LPP: variants seen among roughly 807,000 people sequenced by gnomAD.
LPP encodes the protein lipoma-preferred partner.
In LPP, 38 loss-of-function variants were observed where a neutral mutation model predicts 60.4. That is an observed-to-expected ratio of 0.63 (90% CI 0.49 to 0.83). LPP has a LOEUF of 0.83. LPP is among the 40% of genes least tolerant of loss of function. The pLI is 0.00. For missense variants in LPP, 902 were observed against 783.6 expected (o/e 1.15, Z -1.80); for synonymous variants, 328 against 290.8 (o/e 1.13, Z -1.30).
At chr3:188,262,284 G>C (rs1281124145) in intron 2 of LPP, among the ~76,000 whole-genome samples, 1 of 151,852 alleles carries the variant, frequency 6.6e-6, no homozygotes, top group Non-Finnish European at 1.5e-5. Context: ...ACGATTATGG[G>C]TAGTCTTAAA....
At chr3:188,218,446 A>C (rs1353993026) in intron 1 of LPP, among the ~76,000 whole-genome samples, 1 of 152,214 alleles carries the variant, frequency 6.6e-6, no homozygotes, top group Admixed American at 6.5e-5. Flanking sequence ...ATCTTATACT[A>C]TAATCAGCCT....
chr3:188,184,196 A>T (rs1725908386), intron 1 of LPP, among the ~76,000 whole-genome samples: 1 of 152,138 alleles, frequency 6.6e-6, no homozygotes, highest in Admixed American at 6.5e-5. Flanking sequence ...AAATCTGTGG[A>T]TAGGGCATTG....
At position 188,157,758 on chromosome 3, in the gene LPP, C is replaced by T. The variant is rs369557873; in HGVS notation, c.-190+3506C>T. 6.6e-5 allele frequency among the ~76,000 whole-genome samples: 10 copies of T among 151,876 alleles called. No individual in the cohort carries two copies. In the East Asian group the frequency reaches 1.4e-3, roughly 21 times the overall value. The stretch of plus-strand genomic sequence containing the variant: ...TTTTACAGGGTAAGTTTTGGCTGCT[C>T]TTCACTGAGAAGGCTCACCCTCAGG... On this transcript the variant is annotated intron_variant, in intron 1 of 11. Coordinates refer to ENST00000617246, the MANE Select transcript of LPP (RefSeq NM_001375462.1).
Position 188,156,573 on chromosome 3 carries a change from C to T in LPP, c.-190+2321C>T, listed in dbSNP as rs374805143. On this transcript the variant is annotated intron_variant, in intron 1 of 11. Coordinates refer to ENST00000617246, the MANE Select transcript of LPP (RefSeq NM_001375462.1). ...TATTGGCTTGGCACGATGGCTCAAGCCTGTAATGCCAGCACTTTGGGAGGC... is the reference window on the plus strand; with the variant it reads ...TATTGGCTTGGCACGATGGCTCAAGTCTGTAATGCCAGCACTTTGGGAGGC... Among the ~76,000 whole-genome samples, 347 of 152,226 alleles carry T rather than the reference C, an allele frequency of 2.3e-3. 1 individual carries two copies. The highest frequency in any genetic ancestry group is 5.6e-3 in the Admixed American group (86 of 15,286).
chr3:188,600,974 A>G (rs991224192), intron 6 of LPP, among the ~76,000 whole-genome samples: 9 of 152,050 alleles, frequency 5.9e-5, no homozygotes, highest in African/African-American at 1.9e-4. Flanking sequence ...GTGTGTATAT[A>G]TATATATCAC....
At chr3:188,549,832 C>G (rs1028106733) in intron 6 of LPP, among the ~76,000 whole-genome samples, 2 of 152,156 alleles carry the variant, frequency 1.3e-5, no homozygotes, top group African/African-American at 4.8e-5. Flanking sequence ...GATAAAACAA[C>G]AATAAATGTT....
chr3:188,219,809 T>C (rs962794259), intron 1 of LPP, among the ~76,000 whole-genome samples: 3 of 152,150 alleles, frequency 2.0e-5, no homozygotes, highest in African/African-American at 7.2e-5. Context: ...CTTTCTCACC[T>C]TCATGCCTTA....
intron 6 of LPP, among the ~76,000 whole-genome samples, chr3:188,541,176 A>G (rs1419860736): frequency 2.0e-5 from 3 of 152,088 alleles, no homozygotes; most frequent in African/African-American, 7.2e-5. Flanking sequence ...CCCAGACGCT[A>G]AAGCATGTAA....
At chr3:188,515,865 G>C (rs1311348331) in intron 5 of LPP, among the ~76,000 whole-genome samples, 1 of 152,164 alleles carries the variant, frequency 6.6e-6, no homozygotes, top group African/African-American at 2.4e-5. Flanking sequence ...GTTTTACAAA[G>C]AGTATCAAAT....
Position 188,563,460 on chromosome 3 carries a change from A to ATATGTGTGTG in LPP, c.429+38674_429+38675insATGTGTGTGT, listed in dbSNP as rs373067080. On this transcript the variant is annotated intron_variant, in intron 6 of 11. Coordinates refer to ENST00000617246, the MANE Select transcript of LPP (RefSeq NM_001375462.1). ...CATTTATGTATACATTTACATATAT[A>ATATGTGTGTG]TGTGTGTGTGTGTGTGTGTGTGTGT... 4.9e-4 allele frequency among the ~76,000 whole-genome samples: 69 copies of ATATGTGTGTG among 142,032 alleles called. 1 individual carries two copies. The highest frequency in any genetic ancestry group is 1.5e-3 in the African/African-American group (58 of 37,624). 93.2% of individuals were successfully genotyped at this position (142,032 alleles called of 152,430 possible). A position where few individuals can be genotyped will look rare whatever the true frequency, so the allele number is the denominator to read the frequency against.
intron 2 of LPP, among the ~76,000 whole-genome samples, chr3:188,245,656 T>C (rs1726672278): frequency 8.4e-6 from 1 of 118,766 alleles, no homozygotes; most frequent in African/African-American, 4.5e-5. Flanking sequence ...AACCCCACAC[T>C]TTTTTTTTTT....
chr3:188,658,419 T>TC (rs1165117957), intron 7 of LPP, among the ~76,000 whole-genome samples: 1 of 151,464 alleles, frequency 6.6e-6, no homozygotes, highest in Non-Finnish European at 1.5e-5. Flanking sequence ...TGAAGTTATT[T>TC]TTTAAATTAA....
chr3:188,658,122 A>ATTTAGTTTAGTTTAGT (rs66658012), intron 7 of LPP, among the ~76,000 whole-genome samples: 1 of 4,206 alleles, frequency 2.4e-4, no homozygotes, highest in South Asian at 0.019. Context: ...TTCTGAAGTT[A>ATTTAGTTTAGTTTAGT]TTAGTTTAGT....
At chr3:188,743,020 A>G (rs2150198206) in intron 8 of LPP, among the ~76,000 whole-genome samples, 1 of 152,216 alleles carries the variant, frequency 6.6e-6, no homozygotes, top group African/African-American at 2.4e-5. Context: ...AAACAGTGTG[A>G]GTGCAGAGAA....
chr3:188,620,273 A>G (rs896530984), intron 7 of LPP, among the ~76,000 whole-genome samples: 2 of 152,146 alleles, frequency 1.3e-5, no homozygotes, highest in Admixed American at 6.5e-5. Context: ...TCATTATCAC[A>G]ATCAATTTCT....
At chr3:188,584,160 T>C (rs1303160538) in intron 6 of LPP, among the ~76,000 whole-genome samples, 1 of 152,210 alleles carries the variant, frequency 6.6e-6, no homozygotes, top group Non-Finnish European at 1.5e-5. Flanking sequence ...CAAACATTCA[T>C]GGAGAGCTAC....
chr3:188,668,050 A>G (rs1011516745), intron 7 of LPP, among the ~76,000 whole-genome samples: 2 of 152,064 alleles, frequency 1.3e-5, no homozygotes, highest in Non-Finnish European at 2.9e-5. Flanking sequence ...TAAAAATACT[A>G]CCCATCTGCT....
chr3:188,245,010 C>T (rs1726369239), intron 2 of LPP, among the ~76,000 whole-genome samples: 1 of 152,072 alleles, frequency 6.6e-6, no homozygotes, highest in South Asian at 2.1e-4. Context: ...CATTCTTGGT[C>T]CGTTGTTAGT....
rs141486045 is a variant in LPP, at chr3:188,256,866, T to C, written c.-67+31339T>C. On this transcript the variant is annotated intron_variant, in intron 2 of 11. Coordinates refer to ENST00000617246, the MANE Select transcript of LPP (RefSeq NM_001375462.1). ...ATACATTTGTGCAGGGAGGTACACA[T>C]GCATACGTGTGGGTGTTTCAAAGTC... Among the ~76,000 whole-genome samples the C allele has an allele frequency of 6.5e-3, 994 of 152,288 alleles. 6 individuals carry two copies. Among genetic ancestry groups the C allele is most frequent in the African/African-American group, 0.022 (912 of 41,556 alleles).
Sources: gnomAD v4.1 joint callset for allele counts (sites outside exome capture counted in the v4.1 genomes callset) on GRCh38, gnomAD v4.1.1 for gene constraint, MANE v1.5 for transcripts, NCBI Gene and HGNC (gene_info 2026-07-23, HGNC 2026-07-21) for gene names.